ARHGAP24: variants seen among roughly 807,000 people sequenced by gnomAD.
The protein encoded by ARHGAP24 is Rho GTPase activating protein 24, also known as rho GTPase-activating protein 24.
In ARHGAP24, 50 loss-of-function variants were observed where a neutral mutation model predicts 76.4. The observed-to-expected ratio is 0.65, with a 90% CI of 0.52 to 0.83. The LOEUF (loss-of-function observed/expected upper bound fraction) is 0.83. ARHGAP24 is among the 40% of genes least tolerant of loss of function. ARHGAP24 has a pLI of 0.00. For synonymous variants in ARHGAP24, 345 were observed against 323.3 expected, an observed-to-expected ratio of 1.07 and a Z score of -0.72; for missense variants, 930 against 914.2, an observed-to-expected ratio of 1.02 and a Z score of -0.22.
intron 3 of ARHGAP24, among the ~76,000 whole-genome samples, chr4:85,888,018 AAAAT>A (rs1733661968): frequency 6.6e-6 from 1 of 152,324 alleles, no homozygotes; most frequent in South Asian, 2.1e-4. Flanking sequence ...ATGACTAGGA[AAAAT>A]AAATCAATCT....
intron 2 of ARHGAP24, among the ~76,000 whole-genome samples, chr4:85,646,913 G>A (rs752111830): frequency 6.6e-6 from 1 of 152,170 alleles, no homozygotes; most frequent in African/African-American, 2.4e-5. Context: ...TATGTGATAT[G>A]TAATCATGAA....
intron 9 of ARHGAP24, 61 bp from the exon 10 acceptor site, chr4:86,000,418 A>G (rs1740939687): frequency 1.8e-6 from 2 of 1,136,334 alleles, no homozygotes; most frequent in East Asian, 2.5e-5. Context: ...CAAGTGAATA[A>G]AATCACTTTA....
At chr4:85,781,721 G>A (rs542842832) in intron 3 of ARHGAP24, among the ~76,000 whole-genome samples, 15 of 152,024 alleles carry the variant, frequency 9.9e-5, no homozygotes, top group East Asian at 3.9e-4. Context: ...ATATGCATAT[G>A]TTTGTTAACT....
At chr4:85,915,636 G>T (rs1245253075) in intron 3 of ARHGAP24, among the ~76,000 whole-genome samples, 2 of 148,986 alleles carry the variant, frequency 1.3e-5, no homozygotes, top group African/African-American at 2.5e-5. Context: ...TGTTCTCGTC[G>T]TTCAACTCCC....
chr4:85,583,786 T>C (rs1481022448), intron 2 of ARHGAP24, among the ~76,000 whole-genome samples: 1 of 148,110 alleles, frequency 6.8e-6, no homozygotes, highest in African/African-American at 2.5e-5. Flanking sequence ...GCAAAGGACA[T>C]GAATAGACAC....
chr4:85,895,001 C>CAAAAAAAAAAAAAAAAAAAAAAAAAA (rs1222078793), intron 3 of ARHGAP24, among the ~76,000 whole-genome samples: 1 of 54,344 alleles, frequency 1.8e-5, no homozygotes, highest in Non-Finnish European at 3.1e-5. Context: ...AAACAAAAAG[C>CAAAAAAAAAAAAAAAAAAAAAAAAAA]AAAAAAAAAA....
At chr4:85,807,739 G>A (rs966212668) in intron 3 of ARHGAP24, among the ~76,000 whole-genome samples, 8 of 152,134 alleles carry the variant, frequency 5.3e-5, no homozygotes, top group Non-Finnish European at 7.4e-5. Context: ...GCCCAGAGGC[G>A]CAGGGGCTGA....
chr4:85,990,983 A>G (rs886477209), intron 8 of ARHGAP24: 2 of 151,970 alleles, frequency 1.3e-5, no homozygotes, highest in South Asian at 4.1e-4. Context: ...GGAAATGGAG[A>G]CTACATTTGC....
At chr4:85,954,730 G>A (rs994968222) in intron 5 of ARHGAP24, among the ~76,000 whole-genome samples, 3 of 152,184 alleles carry the variant, frequency 2.0e-5, no homozygotes, top group African/African-American at 7.2e-5. Context: ...ATGTTTGGCC[G>A]GGTGCAGTGT....
chr4:85,557,999 G>C (rs4693706), intron 1 of ARHGAP24, among the ~76,000 whole-genome samples: 1 of 152,090 alleles, frequency 6.6e-6, no homozygotes, highest in South Asian at 2.1e-4. Context: ...TCTGCATAGC[G>C]TCATTTTACA....
chr4:85,819,866 G>A (rs1269838726), intron 3 of ARHGAP24, among the ~76,000 whole-genome samples: 1 of 149,694 alleles, frequency 6.7e-6, no homozygotes, highest in African/African-American at 2.6e-5. Context: ...GCTGCAGTGA[G>A]CTGACATCGT....
intron 4 of ARHGAP24, chr4:85,931,117 C>T (rs1736307959): frequency 6.2e-6 from 9 of 1,451,834 alleles, no homozygotes; most frequent in Admixed American, 4.4e-5. Flanking sequence ...TCTGTTTATG[C>T]TCAGATAAAA....
chr4:85,986,291 T>C (rs887315356), intron 8 of ARHGAP24, among the ~76,000 whole-genome samples: 2 of 152,182 alleles, frequency 1.3e-5, no homozygotes, highest in African/African-American at 2.4e-5. Context: ...TAGAATGTTT[T>C]TTCAGCATTA....
intron 3 of ARHGAP24, among the ~76,000 whole-genome samples, chr4:85,745,828 G>A (rs897447600): frequency 6.6e-6 from 1 of 152,184 alleles, no homozygotes; most frequent in African/African-American, 2.4e-5. Context: ...TTTCTATTAC[G>A]TGGCAAGAAT....
intron 2 of ARHGAP24, among the ~76,000 whole-genome samples, chr4:85,646,977 A>G (rs1322888663): frequency 6.6e-6 from 1 of 152,144 alleles, no homozygotes; most frequent in Non-Finnish European, 1.5e-5. Flanking sequence ...GGAGATAAAC[A>G]TGAAAATCTG....
At chr4:85,808,770 C>G (rs770171775) in intron 3 of ARHGAP24, among the ~76,000 whole-genome samples, 9 of 151,948 alleles carry the variant, frequency 5.9e-5, no homozygotes, top group Non-Finnish European at 1.2e-4. Flanking sequence ...ATCTCAGTGT[C>G]CATATGGAAG....
At chr4:85,667,669 T>G (rs1722683891) in intron 2 of ARHGAP24, among the ~76,000 whole-genome samples, 1 of 152,206 alleles carries the variant, frequency 6.6e-6, no homozygotes, top group Non-Finnish European at 1.5e-5. Flanking sequence ...GTTTATCCTC[T>G]GTTCTTCCCT....
chr4:85,725,827 G>A lies in ARHGAP24; in HGVS notation c.268+3855G>A, dbSNP rs7697448. On this transcript the variant is annotated intron_variant, in intron 3 of 9. Coordinates refer to ENST00000395184, the MANE Select transcript of ARHGAP24 (RefSeq NM_001025616.3). Reference sequence around the variant, plus strand: ...GGCCTGCAACGTAAGGGAAATGCAGGCTGTTCCACTGTTGCTGCCTCCTTT... The same window carrying A: ...GGCCTGCAACGTAAGGGAAATGCAGACTGTTCCACTGTTGCTGCCTCCTTT... 4.9e-3 allele frequency among the ~76,000 whole-genome samples: 743 copies of A among 152,310 alleles called. 6 individuals are homozygous for A. Among genetic ancestry groups the A allele is most frequent in the African/African-American group, 0.017 (695 of 41,562 alleles).
At chr4:85,824,034 A>T (rs1729597174) in intron 3 of ARHGAP24, among the ~76,000 whole-genome samples, 1 of 152,282 alleles carries the variant, frequency 6.6e-6, no homozygotes, top group East Asian at 1.9e-4. Context: ...CCAGCAAAAA[A>T]ACACAATTAT....
Sources: allele counts gnomAD v4.1 joint callset (sites outside exome capture counted in the v4.1 genomes callset), GRCh38; gene constraint gnomAD v4.1.1; transcripts MANE v1.5; gene names NCBI Gene and HGNC (gene_info 2026-07-23, HGNC 2026-07-21).